JMJD1C: variants seen among roughly 807,000 people sequenced by gnomAD.
The protein encoded by JMJD1C is jumonji domain containing 1C.
JMJD1C carries 31 observed loss-of-function variants against 245.3 expected under a neutral mutation model. The ratio of observed to expected loss-of-function variants is 0.13; its 90% CI spans 0.09 to 0.17. JMJD1C has a LOEUF of 0.17. Among genes scored for constraint, JMJD1C ranks in the 10% least tolerant of loss-of-function variants. The probability of loss-of-function intolerance (pLI) is 1.00; values close to 1 mark genes in which losing one functional copy is unlikely to be tolerated. For synonymous variants in JMJD1C, 1,057 were observed against 1,017.4 expected (o/e 1.04, Z -0.74); for missense variants, 2,691 against 3,000.2 (o/e 0.90, Z 2.41).
intron 1 of JMJD1C, among the ~76,000 whole-genome samples, chr10:63,420,485 G>A (rs1005761420): frequency 2.6e-5 from 4 of 151,726 alleles, no homozygotes; most frequent in East Asian, 1.9e-4. Context: ...AGCATAGATC[G>A]CTTGAACTTT....
intron 3 of JMJD1C, among the ~76,000 whole-genome samples, chr10:63,243,046 C>T (rs1201403855): frequency 4.7e-5 from 7 of 147,714 alleles, no homozygotes; most frequent in African/African-American, 1.5e-4. Flanking sequence ...ATTTCTGAGA[C>T]TTTTAACAGA....
chr10:63,521,426 C>A (rs1955234842), intron 1 of JMJD1C: 2 of 383,660 alleles, frequency 5.2e-6, no homozygotes, highest in Non-Finnish European at 7.6e-6. Flanking sequence ...CTCCTGAGGG[C>A]GCCAGCGCGG....
At chr10:63,189,124 T>C (rs1456005635) in intron 18 of JMJD1C, 44 bp downstream of exon 18, 3 of 1,515,878 alleles carry the variant, frequency 2.0e-6, no homozygotes, top group Middle Eastern at 3.6e-4. Context: ...TTTAATAAGC[T>C]TCAGTTCCAC....
intron 1 of JMJD1C, among the ~76,000 whole-genome samples, chr10:63,500,106 G>C (rs779934427): frequency 1.3e-5 from 2 of 152,164 alleles, no homozygotes; most frequent in Non-Finnish European, 2.9e-5. Context: ...GTGTTATTTA[G>C]AACAGTCCAT....
chr10:63,421,543 T>C (rs1950126529), intron 1 of JMJD1C, among the ~76,000 whole-genome samples: 1 of 152,174 alleles, frequency 6.6e-6, no homozygotes, highest in African/African-American at 2.4e-5. Flanking sequence ...ATTAGTTGAG[T>C]TGTACATTTG....
intron 1 of JMJD1C, among the ~76,000 whole-genome samples, chr10:63,393,835 G>C (rs995035187): frequency 2.0e-5 from 3 of 152,074 alleles, no homozygotes; most frequent in South Asian, 4.2e-4. Context: ...TTTTGAAAAA[G>C]AACAAAGAGT....
Position 63,207,864 on chromosome 10 carries a change from C to T in JMJD1C, c.3805G>A (p.Glu1269Lys), listed in dbSNP as rs909767657. The change falls in exon 10 of 26, where the codon GAA becomes AAA. Residue 1269 changes from glutamate to lysine, a missense_variant. By Grantham distance (56) the Glu-to-Lys change is moderately conservative (BLOSUM62 1). Coordinates refer to ENST00000399262, the MANE Select transcript of JMJD1C (RefSeq NM_032776.3). ...DSQANFKSSS[E>K]QSLTEMWRPN... Reference sequence around the variant, plus strand: ...CTCCACATCTCCGTCAAACTCTGTTCTGAAGAACTCTTAAAATTTGCCTGG... The same window carrying T: ...CTCCACATCTCCGTCAAACTCTGTTTTGAAGAACTCTTAAAATTTGCCTGG... 2 of 1,614,106 alleles carry T rather than the reference C, an allele frequency of 1.2e-6. No individual in the cohort carries two copies. Among genetic ancestry groups the T allele is most frequent in the East Asian group, 2.2e-5 (1 of 44,888 alleles).
At chr10:63,472,078 A>C (rs1039928823) in intron 1 of JMJD1C, among the ~76,000 whole-genome samples, 2 of 152,134 alleles carry the variant, frequency 1.3e-5, no homozygotes, top group African/African-American at 4.8e-5. Context: ...TATCAAAACT[A>C]ACTTGAAATG....
At chr10:63,193,940 A>G (rs762985379) in intron 14 of JMJD1C, among the ~76,000 whole-genome samples, 1 of 152,250 alleles carries the variant, frequency 6.6e-6, no homozygotes, top group Non-Finnish European at 1.5e-5. Flanking sequence ...TGCTGGGATT[A>G]CAGGCGTGAG....
Position 63,465,610 on chromosome 10 carries a change from G to T in JMJD1C, c.53C>A (p.Ala18Glu). The change falls in exon 1 of 26, where the codon GCG becomes GAG. Residue 18 changes from alanine to glutamate, a missense_variant. This residue lies in a region of JMJD1C where 135 missense variants were observed against 115.5 expected (regional missense o/e 1.17). Transcript: ENST00000399262. ...CTCCGAACGTGCCTCGTCGCCGACC[G>T]CCACACACAGGAACCGCTTACCCAC... ...ELVGKRFLCV[A>E]VGDEARSERW... is the part of the protein sequence containing the mutation. The T allele has an allele frequency of 1.2e-6, 2 of 1,609,938 alleles. No individual in the cohort carries two copies. The highest frequency in any genetic ancestry group is 1.7e-6 in the Non-Finnish European group (2 of 1,179,884).
intron 1 of JMJD1C, among the ~76,000 whole-genome samples, chr10:63,473,033 T>C (rs1452103320): frequency 6.6e-6 from 1 of 152,170 alleles, no homozygotes; most frequent in Non-Finnish European, 1.5e-5. Flanking sequence ...TCTGCCCTCC[T>C]CGGCCTCCCA....
At chr10:63,272,236 A>T (rs149802608) in intron 2 of JMJD1C, among the ~76,000 whole-genome samples, 80 of 152,226 alleles carry the variant, frequency 5.3e-4, no homozygotes, top group African/African-American at 1.9e-3. Context: ...TGTGTAGAAC[A>T]TGCATGATCC....
chr10:63,417,140 C>G (rs1949855006), intron 1 of JMJD1C, among the ~76,000 whole-genome samples: 1 of 152,052 alleles, frequency 6.6e-6, no homozygotes, highest in Admixed American at 6.6e-5. Context: ...ATTTTTTACC[C>G]AAACCATCTT....
intron 1 of JMJD1C, among the ~76,000 whole-genome samples, chr10:63,446,998 A>G (rs1951756075): frequency 1.3e-5 from 2 of 151,834 alleles, no homozygotes; most frequent in South Asian, 4.2e-4. Flanking sequence ...CTCTGTTATT[A>G]TATTTATGTT....
chr10:63,348,046 C>T, intron 2 of JMJD1C, among the ~76,000 whole-genome samples: 1 of 151,894 alleles, frequency 6.6e-6, no homozygotes, highest in South Asian at 2.1e-4. Context: ...AATCCACCTC[C>T]ACTTACTAAA....
intron 1 of JMJD1C, among the ~76,000 whole-genome samples, chr10:63,501,947 T>G (rs552327934): frequency 6.6e-6 from 1 of 152,258 alleles, no homozygotes; most frequent in Non-Finnish European, 1.5e-5. Flanking sequence ...AGACTTCATT[T>G]TGGTATTTAA....
At chr10:63,368,638 A>G (rs190768431) in intron 2 of JMJD1C, among the ~76,000 whole-genome samples, 26 of 152,330 alleles carry the variant, frequency 1.7e-4, no homozygotes, top group Non-Finnish European at 2.8e-4. Context: ...ACACTATGGC[A>G]TAACAAGTGA....
chr10:63,287,476 C>T (rs1042223788), intron 2 of JMJD1C, among the ~76,000 whole-genome samples: 1 of 152,114 alleles, frequency 6.6e-6, no homozygotes, highest in Non-Finnish European at 1.5e-5. Context: ...AAAACAAAGA[C>T]ATTAGAAACA....
At chr10:63,203,190 C>T (rs1846218631) in intron 10 of JMJD1C, 1 of 984,698 alleles carries the variant, frequency 1.0e-6, no homozygotes, top group Non-Finnish European at 1.2e-6. Context: ...ATGACTGCAA[C>T]TAACTCCTTT....
Sources: gnomAD v4.1 joint callset for allele counts (sites outside exome capture counted in the v4.1 genomes callset) on GRCh38, gnomAD v4.1.1 for gene constraint, gnomAD v4.1.1 regional missense constraint, MANE v1.5 for transcripts, NCBI Gene and HGNC (gene_info 2026-07-23, HGNC 2026-07-21) for gene names.